AKR1C8: variants seen among roughly 807,000 people sequenced by gnomAD.
AKR1C8 encodes aldo-keto reductase family 1 member C-like protein 1.
At chr10:5,151,309 T>C in the AKR1C8 span, among the ~76,000 whole-genome samples, 1 of 151,330 alleles carries the variant, frequency 6.6e-6, no homozygotes, top group Non-Finnish European at 1.5e-5. Flanking sequence ...TTGTGGCTAA[T>C]ATATTAGTCC....
the AKR1C8 span, among the ~76,000 whole-genome samples, chr10:5,134,164 C>G: frequency 3.9e-5 from 6 of 152,276 alleles, no homozygotes; most frequent in Non-Finnish European, 7.3e-5. Flanking sequence ...CTGCCTTCCC[C>G]TGATACCAGC....
chr10:5,122,892 C>A, the AKR1C8 span, among the ~76,000 whole-genome samples: 5 of 151,804 alleles, frequency 3.3e-5, no homozygotes. Context: ...AAAGAAAACT[C>A]TAAGAGAATA....
the AKR1C8 span, among the ~76,000 whole-genome samples, chr10:5,165,248 T>C: frequency 6.6e-6 from 1 of 152,166 alleles, no homozygotes; most frequent in South Asian, 2.1e-4. Context: ...AACAGTTTCT[T>C]TATGAAGCAA....
At chr10:5,127,524 G>A in the AKR1C8 span, among the ~76,000 whole-genome samples, 59,274 of 151,488 alleles carry the variant, frequency 0.39, 12,336 homozygotes, top group Non-Finnish European at 0.43. Flanking sequence ...TTCAAGATCA[G>A]CCTGGCCAAC....
At chr10:5,150,183 G>T in the AKR1C8 span, among the ~76,000 whole-genome samples, 2 of 152,036 alleles carry the variant, frequency 1.3e-5, no homozygotes, top group Non-Finnish European at 2.9e-5. Flanking sequence ...CTACAAAAAT[G>T]CATTTAAATG....
the AKR1C8 span, among the ~76,000 whole-genome samples, chr10:5,116,246 C>CT: frequency 7.2e-5 from 11 of 152,114 alleles, no homozygotes; most frequent in African/African-American, 2.7e-4. Flanking sequence ...ACCCTGTTGA[C>CT]TTAAAGGTAG....
chr10:5,134,898 A>G, the AKR1C8 span, among the ~76,000 whole-genome samples: 7 of 152,232 alleles, frequency 4.6e-5, no homozygotes, highest in South Asian at 2.1e-4. Context: ...GGGAACACCC[A>G]TAAACAGAAG....
At chr10:5,130,964 G>A in the AKR1C8 span, among the ~76,000 whole-genome samples, 2 of 151,830 alleles carry the variant, frequency 1.3e-5, no homozygotes, top group African/African-American at 2.4e-5. Context: ...GCTGTAGTTA[G>A]GAAAGGAGCA....
the AKR1C8 span, among the ~76,000 whole-genome samples, chr10:5,161,117 T>G: frequency 6.6e-6 from 1 of 152,116 alleles, no homozygotes; most frequent in Non-Finnish European, 1.5e-5. Context: ...TATGTGTACA[T>G]ATGTGTATGT....
At chr10:5,156,170 A>G in the AKR1C8 span, among the ~76,000 whole-genome samples, 2 of 152,176 alleles carry the variant, frequency 1.3e-5, no homozygotes, top group African/African-American at 4.8e-5. Context: ...CCTTGGAATG[A>G]CAGAGCCTTA....
chr10:5,162,710 A>T, the AKR1C8 span: 1 of 363,630 alleles, frequency 2.8e-6, no homozygotes, highest in Admixed American at 3.0e-5. Flanking sequence ...ATTTCAGAGT[A>T]AGAAAGTCTT....
At chr10:5,161,262 A>C in the AKR1C8 span, among the ~76,000 whole-genome samples, 1 of 152,188 alleles carries the variant, frequency 6.6e-6, no homozygotes, top group Non-Finnish European at 1.5e-5. Context: ...TGTGGAGGAC[A>C]GTGCTTAATA....
chr10:5,116,418 G>A, the AKR1C8 span, among the ~76,000 whole-genome samples: 2 of 152,094 alleles, frequency 1.3e-5, no homozygotes, highest in Non-Finnish European at 2.9e-5. Context: ...ATCACTAGGA[G>A]TTATGCTGAG....
the AKR1C8 span, among the ~76,000 whole-genome samples, chr10:5,143,284 A>C: frequency 6.6e-6 from 1 of 152,114 alleles, no homozygotes; most frequent in Non-Finnish European, 1.5e-5. Flanking sequence ...TGGACATCAG[A>C]ACTCCAAGCC....
the AKR1C8 span, among the ~76,000 whole-genome samples, chr10:5,133,953 AT>A: frequency 6.6e-6 from 1 of 152,234 alleles, no homozygotes; most frequent in Non-Finnish European, 1.5e-5. Flanking sequence ...GTCTTAAAAA[AT>A]AAGGACAACT....
the AKR1C8 span, among the ~76,000 whole-genome samples, chr10:5,164,212 A>C: frequency 6.6e-6 from 1 of 152,132 alleles, no homozygotes; most frequent in Non-Finnish European, 1.5e-5. Context: ...GCCTAGGTCC[A>C]AGGCAAAGCT....
chr10:5,170,144 C>T, the AKR1C8 span, among the ~76,000 whole-genome samples: 1 of 152,002 alleles, frequency 6.6e-6, no homozygotes, highest in Non-Finnish European at 1.5e-5. Context: ...CTGTGATGGT[C>T]GGGGGACTCA....
the AKR1C8 span, among the ~76,000 whole-genome samples, chr10:5,181,103 A>C: frequency 2.9e-3 from 444 of 152,318 alleles, 3 homozygotes; most frequent in South Asian, 0.012. Context: ...GGTGTAGACC[A>C]GAGCTGTTCC....
the AKR1C8 span, among the ~76,000 whole-genome samples, chr10:5,175,171 T>C: frequency 2.3e-5 from 3 of 129,410 alleles, no homozygotes; most frequent in Admixed American, 9.4e-5. Flanking sequence ...TTCCCCTTCC[T>C]GTGTCCATGT....
Sources: gnomAD v4.1 joint callset for allele counts (sites outside exome capture counted in the v4.1 genomes callset) on GRCh38, gnomAD v4.1.1 for gene constraint, MANE v1.5 for transcripts, NCBI Gene and HGNC (gene_info 2026-07-23, HGNC 2026-07-21) for gene names.